Variants in ACBD7 observed in about 807,000 individuals in gnomAD.
ACBD7 encodes acyl-CoA-binding domain-containing protein 7.
ACBD7 carries 11 observed loss-of-function variants against 13.7 expected under a neutral mutation model. The observed-to-expected ratio is 0.80, with a 90% CI of 0.50 to 1.33. ACBD7 has a LOEUF of 1.33. ACBD7 is among the 40% of genes most tolerant of loss of function. ACBD7 has a pLI of 0.00. For missense variants in ACBD7, 111 were observed against 103.0 expected (o/e 1.08, Z -0.33); for synonymous variants, 43 against 37.7 (o/e 1.14, Z -0.51).
At chr10:15,084,952 C>T (rs57112589) in intron 1 of ACBD7, among the ~76,000 whole-genome samples, 209 of 151,716 alleles carry the variant, frequency 1.4e-3, no homozygotes, top group African/African-American at 4.6e-3. Context: ...TTTAGTTCTA[C>T]AAAGTCAGTG....
chr10:15,084,218 A>G (rs761456716), intron 1 of ACBD7, among the ~76,000 whole-genome samples: 4 of 140,792 alleles, frequency 2.8e-5, no homozygotes, highest in African/African-American at 1.3e-4. Context: ...TAAATAAACA[A>G]TCAATCAATA....
At position 15,076,063 on chromosome 10, in the gene ACBD7, C is replaced by G. The variant is rs569342501; in HGVS notation, c.*2467G>C. ...CACATTTGGGGACTGGCTTTTTCTG[C>G]TCAGCATAATTCCCTGGAAATTCAT... On this transcript the variant is annotated 3_prime_UTR_variant, in exon 4 of 4. Coordinates refer to ENST00000356189, the MANE Select transcript of ACBD7 (RefSeq NM_001039844.3). 1.0e-6 allele frequency: 1 copy of G among 958,248 alleles called. No homozygotes were observed. The allele number at this position is 958,248 out of a possible 1,614,324, so 59.4% of individuals were successfully genotyped here.
At chr10:15,087,039 G>T (rs1478075623) in intron 1 of ACBD7, among the ~76,000 whole-genome samples, 3 of 149,626 alleles carry the variant, frequency 2.0e-5, no homozygotes, top group East Asian at 1.9e-4. Flanking sequence ...AAATAGCCAG[G>T]TGTGGTGGCA....
Position 15,078,572 on chromosome 10 carries a change from A to G in ACBD7, c.225T>C (p.Tyr75=), listed in dbSNP as rs776576536. ...CTATCAGCTCCTTTGCTTTAGAAATATAGGCACTCGTCGCATCTTCCGTCG... is the reference window on the plus strand; with the variant it reads ...CTATCAGCTCCTTTGCTTTAGAAATGTAGGCACTCGTCGCATCTTCCGTCG... ...GLSTEDATSA[Y]ISKAKELIEK... Residue 75 remains tyrosine, a synonymous_variant, in exon 4 of 4, where the codon TAT becomes TAC. Coordinates refer to ENST00000356189, the MANE Select transcript of ACBD7 (RefSeq NM_001039844.3). 28 of 1,614,086 alleles carry G rather than the reference A, an allele frequency of 1.7e-5. No homozygotes were observed. In the Admixed American group the frequency reaches 2.7e-4, roughly 15 times the overall value.
intron 1 of ACBD7, among the ~76,000 whole-genome samples, chr10:15,080,793 T>C (rs890376155): frequency 2.0e-5 from 3 of 152,194 alleles, no homozygotes; most frequent in Non-Finnish European, 4.4e-5. Flanking sequence ...TAGTTTATAC[T>C]CTACAAAGAG....
chr10:15,082,581 G>C (rs12244290), intron 1 of ACBD7, among the ~76,000 whole-genome samples: 1 of 152,158 alleles, frequency 6.6e-6, no homozygotes, highest in African/African-American at 2.4e-5. Flanking sequence ...TGAGCTGCTT[G>C]AGGGCAAGGC....
At chr10:15,083,871 A>G (rs1844777491) in intron 1 of ACBD7, among the ~76,000 whole-genome samples, 1 of 152,194 alleles carries the variant, frequency 6.6e-6, no homozygotes, top group Admixed American at 6.5e-5. Context: ...AAACCTACTT[A>G]CTGAACACCT....
rs567445269 is a variant in ACBD7 at position 15,088,442 on chromosome 10, G to A, written c.12+275C>T. On this transcript the variant is annotated intron_variant, in intron 1 of 3. Coordinates refer to ENST00000356189, the MANE Select transcript of ACBD7 (RefSeq NM_001039844.3). ...GACTCCCTCTCGGAGACGGAGAGGAGGAGGCCCGCTCCGTGCTCCCCGGCG... is the reference window on the plus strand; with the variant it reads ...GACTCCCTCTCGGAGACGGAGAGGAAGAGGCCCGCTCCGTGCTCCCCGGCG... The A allele has an allele frequency of 2.8e-4, 144 of 518,282 alleles. 1 individual carries two copies. The African/African-American group carries it at 2.8e-3, about 10-fold the overall frequency. 32.1% of individuals were successfully genotyped at this position (518,282 alleles called of 1,614,324 possible).
intron 1 of ACBD7, among the ~76,000 whole-genome samples, chr10:15,082,278 T>A (rs1278834682): frequency 1.9e-5 from 2 of 104,874 alleles, no homozygotes; most frequent in African/African-American, 4.2e-5. Flanking sequence ...AGAGCAAGAC[T>A]ATCTCAAAAA....
rs138620008 is a variant in ACBD7, at chr10:15,087,321, G to A, written c.12+1396C>T. On this transcript the variant is annotated intron_variant, in intron 1 of 3. Coordinates refer to ENST00000356189, the MANE Select transcript of ACBD7 (RefSeq NM_001039844.3). ...TTTTTAGATAAAGAAACTGAGGCAC[G>A]GAGAGGTTAACTATGTCACAGGCTA... Among the ~76,000 whole-genome samples the A allele has an allele frequency of 7.9e-3, 1,201 of 151,730 alleles. 16 individuals are homozygous for A. Among genetic ancestry groups the A allele is most frequent in the African/African-American group, 0.027 (1,134 of 41,548 alleles).
At chr10:15,084,215 ACAAT>A (rs61391417) in intron 1 of ACBD7, among the ~76,000 whole-genome samples, 6,092 of 151,642 alleles carry the variant, frequency 0.04, 408 homozygotes, top group African/African-American at 0.14. Flanking sequence ...CAATAAATAA[ACAAT>A]CAATCAATAA....
intron 1 of ACBD7, chr10:15,088,502 C>T (rs979888266): frequency 1.1e-5 from 7 of 635,924 alleles, no homozygotes; most frequent in African/African-American, 2.0e-5. Context: ...TCACCCGGCC[C>T]CTGGGGTCCG....
At chr10:15,085,738 G>A (rs1844801168) in intron 1 of ACBD7, among the ~76,000 whole-genome samples, 1 of 152,196 alleles carries the variant, frequency 6.6e-6, no homozygotes, top group Admixed American at 6.5e-5. Flanking sequence ...TGGTGAGGAT[G>A]GAAACATATT....
intron 1 of ACBD7, among the ~76,000 whole-genome samples, chr10:15,083,582 G>A (rs1844774070): frequency 6.6e-6 from 1 of 152,142 alleles, no homozygotes; most frequent in Admixed American, 6.5e-5. Context: ...CCTGGTTCAA[G>A]CGATCCTCCC....
At chr10:15,079,922 G>C (rs1338840957) in intron 1 of ACBD7, among the ~76,000 whole-genome samples, 1 of 148,974 alleles carries the variant, frequency 6.7e-6, no homozygotes, top group Non-Finnish European at 1.5e-5. Flanking sequence ...CTCATTGAAG[G>C]TTTCTCAATC....
rs1844706395 is a variant in ACBD7, at chr10:15,078,203, T to C, written c.*327A>G. 2 of 390,350 alleles carry C rather than the reference T, an allele frequency of 5.1e-6. No individual in the cohort carries two copies. Among genetic ancestry groups the C allele is most frequent in the Non-Finnish European group, 7.6e-6 (2 of 262,206 alleles). 24.2% of individuals were successfully genotyped at this position (390,350 alleles called of 1,614,324 possible). A position where few individuals can be genotyped will look rare whatever the true frequency, so the allele number is the denominator to read the frequency against. ...AGTGAGAACATGCTTGGTTTTCTGA[T>C]CTTGTGATAGTTTGCTGAGAATGAT... On this transcript the variant is annotated 3_prime_UTR_variant, in exon 4 of 4. Transcript: ENST00000356189.
intron 1 of ACBD7, among the ~76,000 whole-genome samples, chr10:15,080,676 C>T (rs1844740119): frequency 1.3e-5 from 2 of 152,206 alleles, no homozygotes; most frequent in Non-Finnish European, 2.9e-5. Context: ...GCAAGACCCT[C>T]AGGCTGGCCC....
chr10:15,080,584 A>G (rs1413146231), intron 1 of ACBD7, among the ~76,000 whole-genome samples: 1 of 152,088 alleles, frequency 6.6e-6, no homozygotes, highest in African/African-American at 2.4e-5. Flanking sequence ...TGTCTCAAAA[A>G]CAAAAACAAA....
In ACBD7 at chr10:15,077,460, C is replaced by T. The variant is rs911305339; in HGVS notation, c.*1070G>A. 3.9e-5 allele frequency: 6 copies of T among 151,972 alleles called. No homozygotes were observed. The highest frequency in any genetic ancestry group is 1.5e-4 in the African/African-American group (6 of 41,362). 9.4% of individuals were successfully genotyped at this position (151,972 alleles called of 1,614,324 possible). ...GTCATGGAGTGTGGAATAATAGACA[C>T]TGGAGGCTTGGAAAGGTGGGAGGGG... is the stretch of plus-strand genomic sequence containing the variant. On this transcript the variant is annotated 3_prime_UTR_variant, in exon 4 of 4. Transcript: ENST00000356189.
Sources: allele counts gnomAD v4.1 joint callset (sites outside exome capture counted in the v4.1 genomes callset), GRCh38; gene constraint gnomAD v4.1.1; transcripts MANE v1.5; gene names NCBI Gene and HGNC (gene_info 2026-07-23, HGNC 2026-07-21).